Variants in LAMA4 observed in about 807,000 individuals in gnomAD.
The protein encoded by LAMA4 is laminin subunit alpha-4.
Under a neutral mutation model 207.1 loss-of-function variants are expected in LAMA4, and 127 were observed. That is an observed-to-expected ratio of 0.61 (90% CI 0.53 to 0.71). The LOEUF (loss-of-function observed/expected upper bound fraction) is 0.71. LAMA4 is among the 30% of genes least tolerant of loss of function. The probability of loss-of-function intolerance (pLI) is 0.00; values close to 1 mark genes in which losing one functional copy is unlikely to be tolerated. For synonymous variants in LAMA4, 761 were observed against 816.0 expected, an observed-to-expected ratio of 0.93 and a Z score of 1.15; for missense variants, 2,093 against 2,246.5, an observed-to-expected ratio of 0.93 and a Z score of 1.38.
chr6:112,137,518 C>T (rs181964516), intron 24 of LAMA4, among the ~76,000 whole-genome samples: 24 of 152,340 alleles, frequency 1.6e-4, no homozygotes, highest in African/African-American at 5.8e-4. Flanking sequence ...TCACAAAATT[C>T]ACATAATATG....
intron 7 of LAMA4, 145 bp downstream of exon 7, chr6:112,188,965 C>T: frequency 1.5e-6 from 1 of 666,538 alleles, no homozygotes; most frequent in East Asian, 2.7e-5. Context: ...GGTGCAGGCT[C>T]CATTTGCTGA....
chr6:112,169,035 A>G (rs1354132582), intron 12 of LAMA4, among the ~76,000 whole-genome samples: 1 of 152,228 alleles, frequency 6.6e-6, no homozygotes, highest in Non-Finnish European at 1.5e-5. Flanking sequence ...TCACTGGAAC[A>G]GTAGGTGGAC....
intron 3 of LAMA4, among the ~76,000 whole-genome samples, chr6:112,210,244 G>T (rs1307571905): frequency 1.3e-5 from 2 of 150,682 alleles, no homozygotes; most frequent in Non-Finnish European, 2.9e-5. Context: ...GTGAAAGCAA[G>T]TTTATTGGCA....
rs1280038984 is a variant in LAMA4 at position 112,154,468 on chromosome 6, G to T, written c.2056+383C>A. Among the ~76,000 whole-genome samples, 11 of 152,028 alleles carry T rather than the reference G, an allele frequency of 7.2e-5. No individual in the cohort carries two copies. The East Asian group carries it at 1.9e-3, about 27-fold the overall frequency. On this transcript the variant is annotated intron_variant, in intron 16 of 38. Coordinates refer to ENST00000230538, the MANE Select transcript of LAMA4 (RefSeq NM_001105206.3). ...TCCTTCATGGGAAACATTTTAAAAG[G>T]ACTTCGAAATTGTTCAAGAAAGAGG...
chr6:112,188,352 A>G (rs782089882), intron 7 of LAMA4, among the ~76,000 whole-genome samples: 5 of 152,212 alleles, frequency 3.3e-5, no homozygotes, highest in African/African-American at 4.8e-5. Flanking sequence ...AGGACCAGGC[A>G]GGCATCTTGA....
chr6:112,172,752 C>T lies in LAMA4; in HGVS notation c.1410G>A (p.Leu470=). ...WQRLHNETRT[L]FPVVLEQLDD... ...CCAGCTGCTCCAGGACGACAGGAAA[C>T]AGAGTGCGGGTCTCATTGTGCAGCC... Residue 470 remains leucine (L), a synonymous_variant, in exon 12 of 39, where the codon CTG becomes CTA. Transcript: ENST00000230538. 1.9e-6 allele frequency: 3 copies of T among 1,614,100 alleles called. No homozygotes were observed. The highest frequency in any genetic ancestry group is 2.5e-6 in the Non-Finnish European group (3 of 1,179,990).
At chr6:112,124,899 G>A (rs1778595319) in intron 31 of LAMA4, among the ~76,000 whole-genome samples, 1 of 152,064 alleles carries the variant, frequency 6.6e-6, no homozygotes, top group Non-Finnish European at 1.5e-5. Context: ...TGGGATTACA[G>A]GCATGCGCCA....
At chr6:112,150,442 C>T in intron 17 of LAMA4, 69 bp downstream of exon 17, 1 of 947,698 alleles carries the variant, frequency 1.1e-6, no homozygotes, top group Non-Finnish European at 1.8e-6. Flanking sequence ...TTACCTAATC[C>T]TTCCTTGAAG....
At chr6:112,191,294 G>A (rs1289949434) in intron 6 of LAMA4, among the ~76,000 whole-genome samples, 1 of 152,106 alleles carries the variant, frequency 6.6e-6, no homozygotes, top group Non-Finnish European at 1.5e-5. Flanking sequence ...AACCATGCAA[G>A]ATTTCATTCA....
chr6:112,172,450 C>T, intron 12 of LAMA4, 161 bp downstream of exon 12: 1 of 678,262 alleles, frequency 1.5e-6, no homozygotes. Flanking sequence ...TTTAGGAACA[C>T]ACAAGTTAGT....
At chr6:112,213,048 C>T (rs1784439139) in intron 3 of LAMA4, among the ~76,000 whole-genome samples, 1 of 152,212 alleles carries the variant, frequency 6.6e-6, no homozygotes, top group African/African-American at 2.4e-5. Context: ...TGCTTCCCTT[C>T]TCATTGTGCC....
chr6:112,182,948 G>A (rs1554345666), intron 9 of LAMA4, among the ~76,000 whole-genome samples: 2 of 152,144 alleles, frequency 1.3e-5, no homozygotes, highest in African/African-American at 4.8e-5. Flanking sequence ...CATCCTTTAG[G>A]GGAATCCCAG....
rs200309695 is a variant in LAMA4 at position 112,172,728 on chromosome 6, C to G, written c.1434G>C (p.Leu478=). ...CTGACAACTTAGCATTGTAGTCATC[C>G]AGCTGCTCCAGGACGACAGGAAACA... The part of the protein sequence containing the change: ...RTLFPVVLEQ[L]DDYNAKLSDL... Residue 478 remains leucine, a synonymous_variant, in exon 12 of 39, where the codon CTG becomes CTC. Transcript: ENST00000230538. 5.0e-6 allele frequency: 8 copies of G among 1,614,000 alleles called. No individual in the cohort carries two copies. In the East Asian group the frequency reaches 1.8e-4, roughly 36 times the overall value.
intron 2 of LAMA4, among the ~76,000 whole-genome samples, chr6:112,244,728 A>C (rs1279909450): frequency 3.3e-5 from 5 of 152,172 alleles, no homozygotes; most frequent in African/African-American, 1.2e-4. Context: ...GTACAAAATG[A>C]GAGAGTTGAA....
chr6:112,197,369 A>T (rs1167925923), intron 5 of LAMA4, among the ~76,000 whole-genome samples: 4 of 152,204 alleles, frequency 2.6e-5, no homozygotes, highest in Non-Finnish European at 5.9e-5. Context: ...TTTTTTACAC[A>T]GTAGTGTAAG....
intron 2 of LAMA4, among the ~76,000 whole-genome samples, chr6:112,242,622 A>G (rs1481763757): frequency 6.6e-6 from 1 of 152,170 alleles, no homozygotes; most frequent in Non-Finnish European, 1.5e-5. Flanking sequence ...TGATGCTGCC[A>G]TCTTTGGACC....
intron 11 of LAMA4, 146 bp from the exon 12 acceptor site, chr6:112,172,950 C>T (rs1035486597): frequency 5.9e-6 from 4 of 672,386 alleles, no homozygotes; most frequent in South Asian, 1.7e-5. Context: ...ATTAGCTCCA[C>T]CTTTTAGATT....
chr6:112,208,857 G>C (rs1381176571), intron 3 of LAMA4, among the ~76,000 whole-genome samples: 1 of 152,290 alleles, frequency 6.6e-6, no homozygotes, highest in Non-Finnish European at 1.5e-5. Flanking sequence ...GAATTTAGGG[G>C]CTAGTTCAGA....
At position 112,118,719 on chromosome 6, in the gene LAMA4, GTA is replaced by G. The variant is rs1378560637; in HGVS notation, c.4821+435_4821+436del. On this transcript the variant is annotated intron_variant, in intron 34 of 38. Coordinates refer to ENST00000230538, the MANE Select transcript of LAMA4 (RefSeq NM_001105206.3). This position sits in a 1 kb window ranked among gnomAD's most constrained non-coding sequence, Gnocchi z 4.6. ...ATTTACAAATTGTGTGTGTGTGTGT[GTA>G]TGTGTGTGTGTGTGTGTGTGTGTGT... Among the ~76,000 whole-genome samples the G allele has an allele frequency of 7.4e-5, 6 of 80,718 alleles. No homozygotes were observed. Among genetic ancestry groups the G allele is most frequent in the East Asian group, 8.7e-4 (2 of 2,300 alleles). The allele number at this position is 80,718 out of a possible 152,430, so 53.0% of individuals were successfully genotyped here.
Sources: gnomAD v4.1 joint callset for allele counts (sites outside exome capture counted in the v4.1 genomes callset) on GRCh38, gnomAD v4.1.1 for gene constraint, Gnocchi (gnomAD v3.1) non-coding constraint, MANE v1.5 for transcripts, NCBI Gene and HGNC (gene_info 2026-07-23, HGNC 2026-07-21) for gene names.